CHM: variants seen among roughly 807,000 people sequenced by gnomAD.
CHM encodes the protein CHM Rab escort protein, also known as rab proteins geranylgeranyltransferase component A 1.
A neutral mutation model predicts 49.0 loss-of-function variants in CHM; 10 were observed. The ratio of observed to expected loss-of-function variants is 0.20; its 90% confidence interval spans 0.13 to 0.35. The LOEUF (loss-of-function observed/expected upper bound fraction) is 0.35, where lower values mean the gene tolerates loss of function less well. CHM is among the 10% of genes least tolerant of loss of function. The probability of loss-of-function intolerance (pLI) is 1.00; values close to 1 mark genes in which losing one functional copy is unlikely to be tolerated. For synonymous variants in CHM, 184 were observed against 167.5 expected, an observed-to-expected ratio of 1.10 and a Z score of -0.76; for missense variants, 455 against 478.4, an observed-to-expected ratio of 0.95 and a Z score of 0.46.
At position 85,911,147 on chromosome X, in the gene CHM, A is replaced by ATATATATATG. The variant is rs1569409865; in HGVS notation, c.1244+113_1244+114insCATATATATA. 12 of 17,137 alleles carry ATATATATATG rather than the reference A, an allele frequency of 7.0e-4. 1 individual carries two copies. The highest frequency in any genetic ancestry group is 3.3e-3 in the African/African-American group (9 of 2,698). The allele number at this position is 17,137 out of a possible 1,213,427, so 1.4% of individuals were successfully genotyped here. On this transcript the variant is annotated intron_variant, in intron 9 of 14. Coordinates refer to ENST00000357749, the MANE Select transcript of CHM (RefSeq NM_000390.4). ...TGTATATGTATATATATATATATAT[A>ATATATATATG]TATATATATATATATGTATATATAT... is the stretch of plus-strand genomic sequence containing the variant.
intron 8 of CHM, among the ~76,000 whole-genome samples, chrX:85,925,929 T>C (rs768041794): frequency 2.1e-4 from 23 of 110,851 alleles, no homozygotes; most frequent in African/African-American, 7.2e-4. Flanking sequence ...ACAGAGACCA[T>C]CTTCTTAGAA....
rs147290188 is a variant in CHM at position 86,000,717 on chromosome X, T to A, written c.117-18908A>T. 8.9e-3 allele frequency among the ~76,000 whole-genome samples: 984 copies of A among 110,498 alleles called. 15 individuals carry two copies. The highest frequency in any genetic ancestry group is 0.031 in the African/African-American group (931 of 30,458). ...TCAGCAACATGGGTGGAACTGGAGG[T>A]CATTATGTTTAGTGAAATAAGCCAA... On this transcript the variant is annotated intron_variant, in intron 2 of 14. Coordinates refer to ENST00000357749, the MANE Select transcript of CHM (RefSeq NM_000390.4).
chrX:86,000,513 C>CAAAAAAAAAAAA (rs754600557), intron 2 of CHM, among the ~76,000 whole-genome samples: 1 of 58,891 alleles, frequency 1.7e-5, no homozygotes, highest in East Asian at 5.5e-4. Context: ...GGAATATATT[C>CAAAAAAAAAAAA]AAAAAAAAAA....
At chrX:86,040,440 G>A (rs1042638704) in intron 1 of CHM, among the ~76,000 whole-genome samples, 1 of 112,284 alleles carries the variant, frequency 8.9e-6, no homozygotes, top group South Asian at 3.7e-4. Context: ...GTTCACTCAC[G>A]TGCTCCCTCC....
intron 9 of CHM, among the ~76,000 whole-genome samples, chrX:85,905,263 T>A (rs948514285): frequency 1.8e-5 from 2 of 111,166 alleles, no homozygotes; most frequent in African/African-American, 3.3e-5. Flanking sequence ...TTATAAATAC[T>A]TCCTGAAACT....
At chrX:85,870,755 T>G (rs1443695166) in intron 14 of CHM, among the ~76,000 whole-genome samples, 1 of 111,523 alleles carries the variant, frequency 9.0e-6, no homozygotes, top group Non-Finnish European at 1.9e-5. Flanking sequence ...AATGAGCAAG[T>G]CATAGAAAGA....
intron 4 of CHM, among the ~76,000 whole-genome samples, chrX:85,965,022 C>CA (rs3838389): frequency 0.21 from 22,992 of 111,085 alleles, 2,034 homozygotes; most frequent in East Asian, 0.54. Context: ...AAATACCCCA[C>CA]AAAAAAATCT....
chrX:85,876,216 T>A (rs1049541843), intron 13 of CHM, among the ~76,000 whole-genome samples: 1 of 111,307 alleles, frequency 9.0e-6, no homozygotes, highest in Admixed American at 9.5e-5. Context: ...AGATTTTTTT[T>A]AAAAGGTGAC....
rs150449070 is a variant in CHM at position 85,884,386 on chromosome X, A to G, written c.1511-5323T>C. 9.2e-3 allele frequency among the ~76,000 whole-genome samples: 1,017 copies of G among 111,141 alleles called. 10 individuals are homozygous for G. Among genetic ancestry groups the G allele is most frequent in the African/African-American group, 0.032 (970 of 30,721 alleles). On this transcript the variant is annotated intron_variant, in intron 12 of 14. Transcript: ENST00000357749. ...ATCAGCTTAAGTAACATTGATACTA[A>G]TAACGGTCCTGAGGCAGATAGTATC...
intron 4 of CHM, chrX:85,968,984 T>G: frequency 2.6e-6 from 1 of 391,392 alleles, no homozygotes; most frequent in Non-Finnish European, 3.3e-6. Context: ...ACATTTTATT[T>G]GTATTCGCTT....
intron 8 of CHM, among the ~76,000 whole-genome samples, chrX:85,924,378 G>A (rs1288222615): frequency 9.0e-6 from 1 of 111,410 alleles, no homozygotes; most frequent in African/African-American, 3.3e-5. Context: ...CTCAGAACAA[G>A]TATAAGGTAA....
At chrX:86,002,602 G>T (rs1214131602) in intron 2 of CHM, among the ~76,000 whole-genome samples, 1 of 112,105 alleles carries the variant, frequency 8.9e-6, no homozygotes, top group African/African-American at 3.2e-5. Context: ...GCGGGGTGTC[G>T]CATCACCTGG....
At chrX:85,933,538 A>G (rs189657305) in intron 8 of CHM, among the ~76,000 whole-genome samples, 1 of 112,361 alleles carries the variant, frequency 8.9e-6, no homozygotes, top group East Asian at 2.8e-4. Flanking sequence ...AGACTTTTAT[A>G]ATACAAGAAG....
intron 12 of CHM, among the ~76,000 whole-genome samples, chrX:85,880,024 T>C (rs1731169522): frequency 9.0e-6 from 1 of 110,919 alleles, no homozygotes; most frequent in African/African-American, 3.3e-5. Context: ...ATTCTCATTA[T>C]CAAAATTTAT....
At chrX:85,893,907 G>A (rs1284395731) in intron 12 of CHM, among the ~76,000 whole-genome samples, 4 of 111,586 alleles carry the variant, frequency 3.6e-5, no homozygotes, top group African/African-American at 6.5e-5. Flanking sequence ...TATGCAACCA[G>A]GTTTTCAATA....
chrX:85,960,348 T>A (rs1475584841), intron 5 of CHM, among the ~76,000 whole-genome samples: 1 of 111,261 alleles, frequency 9.0e-6, no homozygotes, highest in Non-Finnish European at 1.9e-5. Flanking sequence ...AAAAACAAAT[T>A]TCAATTAAAA....
At chrX:85,969,459 A>G (rs368167082) in intron 4 of CHM, 2 of 711,341 alleles carry the variant, frequency 2.8e-6, no homozygotes, top group East Asian at 1.6e-4. Flanking sequence ...TAAACTATGA[A>G]ACTATTACAT....
At chrX:86,045,594 G>A (rs930285526) in intron 1 of CHM, among the ~76,000 whole-genome samples, 1 of 111,239 alleles carries the variant, frequency 9.0e-6, no homozygotes, top group South Asian at 3.8e-4. Context: ...AAATATAAGC[G>A]ATGTCACCTG....
chrX:85,945,571 C>G (rs1056664837), intron 8 of CHM, among the ~76,000 whole-genome samples: 1 of 104,022 alleles, frequency 9.6e-6, no homozygotes, highest in Admixed American at 1.1e-4. Context: ...GGTGCTGCAT[C>G]CTTCCTAAAG....
Sources: gnomAD v4.1 joint callset for allele counts (sites outside exome capture counted in the v4.1 genomes callset) on GRCh38, gnomAD v4.1.1 for gene constraint, MANE v1.5 for transcripts, NCBI Gene and HGNC (gene_info 2026-07-23, HGNC 2026-07-21) for gene names.